PREX1: variants seen among roughly 807,000 people sequenced by gnomAD.
The protein encoded by PREX1 is phosphatidylinositol 3,4,5-trisphosphate-dependent Rac exchanger 1 protein.
PREX1 carries 41 observed loss-of-function variants against 198.3 expected under a neutral mutation model. That is an observed-to-expected ratio of 0.21 (90% CI 0.16 to 0.27). The LOEUF is 0.27. Ranked by LOEUF, PREX1 falls within the 10% of genes least tolerant of loss-of-function variation. The probability of loss-of-function intolerance (pLI) is 1.00; values close to 1 mark genes in which losing one functional copy is unlikely to be tolerated. For missense variants in PREX1, 1,620 were observed against 2,200.7 expected (o/e 0.74, Z 5.28); for synonymous variants, 843 against 887.2 (o/e 0.95, Z 0.89).
intron 1 of PREX1, among the ~76,000 whole-genome samples, chr20:48,750,559 T>C (rs889267481): frequency 6.6e-6 from 1 of 152,028 alleles, no homozygotes; most frequent in African/African-American, 2.4e-5. Flanking sequence ...CCAAATACAC[T>C]CCTGCCTCAG....
At chr20:48,721,858 C>G (rs1336233437) in intron 5 of PREX1, among the ~76,000 whole-genome samples, 1 of 152,052 alleles carries the variant, frequency 6.6e-6, no homozygotes, top group African/African-American at 2.4e-5. Context: ...ACAGGACCTC[C>G]TCATGGCGAG....
Position 48,655,194 on chromosome 20 carries a change from C to G in PREX1, c.2209+96G>C, listed in dbSNP as rs932216353. On this transcript the variant is annotated intron_variant, in intron 19 of 39. Transcript: ENST00000371941. Reference sequence around the variant, plus strand: ...TAAGTGCTGATGGTACATTGTCTGGCAGAAGCCTAGAGTTCAGAAGGCTCT... The same window carrying G: ...TAAGTGCTGATGGTACATTGTCTGGGAGAAGCCTAGAGTTCAGAAGGCTCT... The G allele has an allele frequency of 2.6e-5, 32 of 1,226,824 alleles. No individual in the cohort carries two copies. In the Admixed American group the frequency reaches 6.6e-4, roughly 25 times the overall value. The allele number at this position is 1,226,824 out of a possible 1,614,324, so 76.0% of individuals were successfully genotyped here.
At chr20:48,881,139 CT>C in the PREX1 span, among the ~76,000 whole-genome samples, 2 of 152,042 alleles carry the variant, frequency 1.3e-5, no homozygotes. Context: ...CTGGGACTTG[CT>C]TCAAATATTC....
At chr20:48,839,995 T>C in the PREX1 span, among the ~76,000 whole-genome samples, 1 of 152,192 alleles carries the variant, frequency 6.6e-6, no homozygotes. Context: ...GGCCTGTTTA[T>C]TACAATTGCA....
intron 10 of PREX1, among the ~76,000 whole-genome samples, chr20:48,688,437 A>G (rs376509988): frequency 2.0e-5 from 3 of 152,128 alleles, no homozygotes; most frequent in Non-Finnish European, 4.4e-5. Context: ...CCAGGTCACA[A>G]TGGAAAATTA....
intron 10 of PREX1, among the ~76,000 whole-genome samples, chr20:48,688,403 T>A (rs2089797646): frequency 6.6e-6 from 1 of 152,182 alleles, no homozygotes; most frequent in Non-Finnish European, 1.5e-5. Context: ...TCAGCTTCAA[T>A]CATATATTAC....
At position 48,690,965 on chromosome 20, in the gene PREX1, C is replaced by T. The variant is rs267605974; in HGVS notation, c.1168G>A (p.Glu390Lys). The T allele has an allele frequency of 2.5e-6, 4 of 1,614,102 alleles. No individual in the cohort carries two copies. Among genetic ancestry groups the T allele is most frequent in the Non-Finnish European group, 3.4e-6 (4 of 1,180,048 alleles). ...KQKWLDAIIR[E>K]REQRESLKLG... ...TGCTCACTCTCGCGCTGCTCCCGCTCGCGGATGATGGCATCCAGCCACTTC... is the reference window on the plus strand; with the variant it reads ...TGCTCACTCTCGCGCTGCTCCCGCTTGCGGATGATGGCATCCAGCCACTTC... The change falls in exon 9 of 40, where the codon GAG (glutamate) becomes AAG (lysine). Residue 390 changes from glutamate to lysine, a missense_variant. By Grantham distance (56) the Glu-to-Lys change is moderately conservative. Coordinates refer to ENST00000371941, the MANE Select transcript of PREX1 (RefSeq NM_020820.4).
chr20:48,666,816 C>T lies in PREX1; in HGVS notation c.1666-461G>A, dbSNP rs150184128. 6.2e-3 allele frequency among the ~76,000 whole-genome samples: 942 copies of T among 152,304 alleles called. 12 individuals carry two copies. The highest frequency in any genetic ancestry group is 0.02 in the African/African-American group (849 of 41,558). On this transcript the variant is annotated intron_variant, in intron 14 of 39. Transcript: ENST00000371941. This position sits in a 1 kb window ranked among gnomAD's most constrained non-coding sequence, Gnocchi z 4.3. ...CTGGAATTACAGGCATGAGCCACCACGCCTGGCCCCATTTGTGATTATTAT... is the reference window on the plus strand; with the variant it reads ...CTGGAATTACAGGCATGAGCCACCATGCCTGGCCCCATTTGTGATTATTAT...
At position 48,667,809 on chromosome 20, in the gene PREX1, T is replaced by C. The variant is rs147299274; in HGVS notation, c.1666-1454A>G. Among the ~76,000 whole-genome samples the C allele has an allele frequency of 5.9e-3, 898 of 152,184 alleles. 14 individuals carry two copies. The highest frequency in any genetic ancestry group is 0.02 in the African/African-American group (847 of 41,510). The stretch of plus-strand genomic sequence containing the variant: ...GTGGGATGTCATCTTGGTGGGGCAG[T>C]TGATCAAGGTTTGCAGCCCTCCTAG... On this transcript the variant is annotated intron_variant, in intron 14 of 39. Coordinates refer to ENST00000371941, the MANE Select transcript of PREX1 (RefSeq NM_020820.4).
At position 48,653,822 on chromosome 20, in the gene PREX1, T is replaced by A. The variant is rs570389031; in HGVS notation, c.2210-325A>T. On this transcript the variant is annotated intron_variant, in intron 19 of 39. Coordinates refer to ENST00000371941, the MANE Select transcript of PREX1 (RefSeq NM_020820.4). The stretch of plus-strand genomic sequence containing the variant: ...GCCGCCTTGTGCTACTGGGCCGCAT[T>A]TGGCAGAAAGCGTGATGGGCTCAGA... Among the ~76,000 whole-genome samples, 5 of 152,340 alleles carry A rather than the reference T, an allele frequency of 3.3e-5. No individual in the cohort carries two copies. The East Asian group carries it at 9.6e-4, about 29-fold the overall frequency.
chr20:48,753,007 CAT>C (rs747744060), intron 1 of PREX1, among the ~76,000 whole-genome samples: 22 of 152,154 alleles, frequency 1.4e-4, no homozygotes, highest in Admixed American at 3.9e-4. Context: ...AGGTGATGCA[CAT>C]GTTTCCTCGA....
chr20:48,888,160 A>G, the PREX1 span, among the ~76,000 whole-genome samples: 21,461 of 152,088 alleles, frequency 0.14, 1,569 homozygotes, highest in African/African-American at 0.16. Flanking sequence ...CACTTCTTAC[A>G]TGGTGGCCGC....
chr20:48,853,379 T>C, the PREX1 span, among the ~76,000 whole-genome samples: 3 of 152,164 alleles, frequency 2.0e-5, no homozygotes, highest in Non-Finnish European at 4.4e-5. Flanking sequence ...AAACTTACAA[T>C]CATGGCTGAA....
At chr20:48,793,902 C>T (rs1856335794) in intron 1 of PREX1, among the ~76,000 whole-genome samples, 1 of 152,198 alleles carries the variant, frequency 6.6e-6, no homozygotes, top group African/African-American at 2.4e-5. Context: ...TTTCTAGGTC[C>T]AAGCCCTTCA....
the PREX1 span, among the ~76,000 whole-genome samples, chr20:48,876,823 T>G: frequency 6.6e-6 from 1 of 152,170 alleles, no homozygotes; most frequent in Non-Finnish European, 1.5e-5. Context: ...CACTTAACCA[T>G]GAGCTCTTTG....
intron 15 of PREX1, among the ~76,000 whole-genome samples, chr20:48,664,047 A>T (rs1033619168): frequency 2.0e-5 from 3 of 152,208 alleles, no homozygotes; most frequent in Non-Finnish European, 4.4e-5. Context: ...GAGTGATGGG[A>T]TCTGCCTAAC....
intron 4 of PREX1, among the ~76,000 whole-genome samples, chr20:48,733,705 C>CTGTTGTTGTTGCTGTTGTTGTTGT (rs1555839216): frequency 6.6e-6 from 1 of 151,086 alleles, no homozygotes; most frequent in African/African-American, 2.4e-5. Flanking sequence ...GTTGTTGTTG[C>CTGTTGTTGTTGCTGTTGTTGTTGT]TGTTGTTGTT....
the PREX1 span, among the ~76,000 whole-genome samples, chr20:48,881,320 C>T: frequency 6.6e-6 from 1 of 152,202 alleles, no homozygotes; most frequent in Admixed American, 6.5e-5. Flanking sequence ...AAATCCTTTC[C>T]AACAATTGCT....
chr20:48,691,140 G>C lies in PREX1; in HGVS notation c.1037-44C>G. 6.2e-7 allele frequency: 1 copy of C among 1,613,002 alleles called. No homozygotes were observed. Among genetic ancestry groups the C allele is most frequent in the Non-Finnish European group, 8.5e-7 (1 of 1,179,254 alleles). ...AAAGGTGCAGCAGAGACTCAGCCGC[G>C]TGACCTTCAACACTCCCCATTGCCA... On this transcript the variant is annotated intron_variant, in intron 8 of 39. Coordinates refer to ENST00000371941, the MANE Select transcript of PREX1 (RefSeq NM_020820.4). This position sits in a 1 kb window ranked among gnomAD's most constrained non-coding sequence, Gnocchi z 5.0.
Sources: gnomAD v4.1 joint callset for allele counts (sites outside exome capture counted in the v4.1 genomes callset) on GRCh38, gnomAD v4.1.1 for gene constraint, Gnocchi (gnomAD v3.1) non-coding constraint, MANE v1.5 for transcripts, NCBI Gene and HGNC (gene_info 2026-07-23, HGNC 2026-07-21) for gene names.